The following SLC7A14 variants were observed in gnomAD, a reference collection of about 807,000 sequenced individuals.
The protein encoded by SLC7A14 is solute carrier family 7 member 14, also known as gamma-aminobutyric acid transporter SLC7A14.
In SLC7A14, 37 loss-of-function variants were observed where a neutral mutation model predicts 60.2. The ratio of observed to expected loss-of-function variants is 0.61; its 90% CI spans 0.47 to 0.81. The LOEUF is 0.81. Ranked by LOEUF, SLC7A14 falls within the 30% of genes least tolerant of loss-of-function variation. The pLI is 0.00. For synonymous variants in SLC7A14, 399 were observed against 395.8 expected, an observed-to-expected ratio of 1.01 and a Z score of -0.10; for missense variants, 886 against 982.7, an observed-to-expected ratio of 0.90 and a Z score of 1.32.
At chr3:170,475,848 G>A (rs140989479) in intron 7 of SLC7A14, among the ~76,000 whole-genome samples, 1 of 152,106 alleles carries the variant, frequency 6.6e-6, no homozygotes, top group Admixed American at 6.6e-5. Flanking sequence ...GAGTAGCTGG[G>A]ATTACAGGTG....
intron 1 of SLC7A14, among the ~76,000 whole-genome samples, chr3:170,571,290 G>C (rs972202164): frequency 1.3e-5 from 2 of 152,194 alleles, no homozygotes; most frequent in Non-Finnish European, 2.9e-5. Context: ...GATACATCTT[G>C]AACTTCTAGA....
intron 1 of SLC7A14, among the ~76,000 whole-genome samples, chr3:170,571,875 A>G (rs569300242): frequency 6.6e-6 from 1 of 152,010 alleles, no homozygotes; most frequent in Non-Finnish European, 1.5e-5. Flanking sequence ...CCTGGCCAAT[A>G]TGGTGAAACC....
At chr3:170,567,310 T>A (rs904149105) in intron 1 of SLC7A14, among the ~76,000 whole-genome samples, 31 of 151,554 alleles carry the variant, frequency 2.0e-4, no homozygotes, top group Non-Finnish European at 4.6e-4. Context: ...TTTCCAATTT[T>A]ATCCATGTCC....
At chr3:170,581,455 A>G (rs778549309) in intron 1 of SLC7A14, among the ~76,000 whole-genome samples, 16 of 152,096 alleles carry the variant, frequency 1.1e-4, no homozygotes, top group Non-Finnish European at 2.1e-4. Flanking sequence ...TTTAATCCTG[A>G]GAAGAAAATG....
At chr3:170,539,839 A>G (rs1352246249) in intron 1 of SLC7A14, among the ~76,000 whole-genome samples, 1 of 152,222 alleles carries the variant, frequency 6.6e-6, no homozygotes, top group East Asian at 1.9e-4. Flanking sequence ...TCCTATATGT[A>G]CATACCTATG....
intron 1 of SLC7A14, among the ~76,000 whole-genome samples, chr3:170,584,786 T>C (rs1055168903): frequency 1.3e-5 from 2 of 152,110 alleles, no homozygotes; most frequent in Admixed American, 1.3e-4. Flanking sequence ...TCCTAGACCC[T>C]ATACCTAGGG....
At chr3:170,542,485 C>G (rs938607103) in intron 1 of SLC7A14, among the ~76,000 whole-genome samples, 2 of 152,358 alleles carry the variant, frequency 1.3e-5, no homozygotes, top group African/African-American at 4.8e-5. Context: ...CTTCCCCATT[C>G]TGCCTCTTGC....
chr3:170,493,583 T>C (rs559034870), intron 4 of SLC7A14, among the ~76,000 whole-genome samples: 3 of 152,326 alleles, frequency 2.0e-5, no homozygotes, highest in South Asian at 2.1e-4. Context: ...AAGAAGTTCA[T>C]GTATCTGTTG....
Position 170,559,452 on chromosome 3 carries a change from C to T in SLC7A14, c.-153+26459G>A, listed in dbSNP as rs115077324. ...AGTGGGAGAAAGATCCATAACATCA[C>T]TTTAACACACTTACTATTATAATAG... On this transcript the variant is annotated intron_variant, in intron 1 of 7. Coordinates refer to ENST00000231706, the MANE Select transcript of SLC7A14 (RefSeq NM_020949.3). Among the ~76,000 whole-genome samples the T allele has an allele frequency of 4.8e-3, 736 of 152,276 alleles. 8 individuals are homozygous for T. The highest frequency in any genetic ancestry group is 0.017 in the African/African-American group (705 of 41,554).
chr3:170,558,160 G>A (rs779971039), intron 1 of SLC7A14, among the ~76,000 whole-genome samples: 3 of 152,132 alleles, frequency 2.0e-5, no homozygotes, highest in Non-Finnish European at 4.4e-5. Flanking sequence ...TTCAGGTCAG[G>A]AGTTCAAGAC....
intron 1 of SLC7A14, among the ~76,000 whole-genome samples, chr3:170,546,631 A>G (rs1282482231): frequency 3.3e-5 from 5 of 152,188 alleles, no homozygotes; most frequent in African/African-American, 1.2e-4. Context: ...CTCCCAAACA[A>G]TCAGATCTCC....
chr3:170,511,454 G>A (rs773475325), intron 2 of SLC7A14, among the ~76,000 whole-genome samples: 7 of 152,076 alleles, frequency 4.6e-5, no homozygotes, highest in Non-Finnish European at 7.4e-5. Flanking sequence ...GTCTGGAGCA[G>A]GTCACCCAAT....
chr3:170,573,969 A>G (rs1205401162), intron 1 of SLC7A14, among the ~76,000 whole-genome samples: 1 of 152,216 alleles, frequency 6.6e-6, no homozygotes, highest in Non-Finnish European at 1.5e-5. Flanking sequence ...CATCTAGCTA[A>G]CAAATCAGTC....
intron 7 of SLC7A14, 145 bp from the exon 8 acceptor site, chr3:170,467,522 G>T: frequency 1.6e-6 from 1 of 643,316 alleles, no homozygotes. Context: ...TGCTTTATGT[G>T]GTGTTTTGAA....
At chr3:170,474,156 GAACA>G (rs919860722) in intron 7 of SLC7A14, among the ~76,000 whole-genome samples, 4 of 152,182 alleles carry the variant, frequency 2.6e-5, no homozygotes, top group Non-Finnish European at 5.9e-5. Context: ...ACAGCCACAA[GAACA>G]AACAAACTGA....
At chr3:170,555,042 C>T (rs1287454612) in intron 1 of SLC7A14, among the ~76,000 whole-genome samples, 2 of 151,954 alleles carry the variant, frequency 1.3e-5, no homozygotes, top group Non-Finnish European at 2.9e-5. Context: ...GTGGTGCACA[C>T]CTGTAATCCC....
intron 2 of SLC7A14, among the ~76,000 whole-genome samples, chr3:170,505,955 T>G (rs1239489955): frequency 2.0e-5 from 3 of 152,218 alleles, no homozygotes; most frequent in African/African-American, 7.2e-5. Flanking sequence ...TTAAAAAATT[T>G]TGCCCCTGAG....
rs1194376387 is a variant in SLC7A14 at position 170,532,858 on chromosome 3, T to C, written c.-152-5770A>G. Among the ~76,000 whole-genome samples, 2 of 152,118 alleles carry C rather than the reference T, an allele frequency of 1.3e-5. No homozygotes were observed. The highest frequency in any genetic ancestry group is 2.9e-5 in the Non-Finnish European group (2 of 68,016). ...CACCTGGTACTTCCACTCCAAGGGA[T>C]TCTTATTTACCTTTCTCAAACTTGT... On this transcript the variant is annotated intron_variant, in intron 1 of 7. Transcript: ENST00000231706. This position sits in a 1 kb window ranked among gnomAD's most constrained non-coding sequence, Gnocchi z 4.0.
In SLC7A14 at chr3:170,486,209, A is replaced by C. The variant is rs200569665; in HGVS notation, c.906+13T>G. ...ACATCGTGAGGAGGGTCCCGCAAGC[A>C]TCTGGTACTTACAGACACATATGCT... On this transcript the variant is annotated intron_variant, in intron 5 of 7. Transcript: ENST00000231706. The C allele has an allele frequency of 6.2e-7, 1 of 1,613,988 alleles. No individual in the cohort carries two copies. The highest frequency in any genetic ancestry group is 1.3e-5 in the African/African-American group (1 of 75,050).
Sources: gnomAD v4.1 joint callset for allele counts (sites outside exome capture counted in the v4.1 genomes callset) on GRCh38, gnomAD v4.1.1 for gene constraint, Gnocchi (gnomAD v3.1) non-coding constraint, MANE v1.5 for transcripts, NCBI Gene and HGNC (gene_info 2026-07-23, HGNC 2026-07-21) for gene names.